RAD51C: variants seen among roughly 807,000 people sequenced by gnomAD.
RAD51C encodes the protein RAD51 paralog C.
RAD51C carries 42 observed loss-of-function variants against 45.0 expected under a neutral mutation model. The observed-to-expected ratio is 0.93, with a 90% CI of 0.73 to 1.21. The LOEUF (loss-of-function observed/expected upper bound fraction) is 1.21, where lower values mean the gene tolerates loss of function less well. RAD51C is among the 50% of genes most tolerant of loss of function. RAD51C has a pLI of 0.00. For synonymous variants in RAD51C, 172 were observed against 159.8 expected (o/e 1.08, Z -0.58); for missense variants, 474 against 452.2 (o/e 1.05, Z -0.44).
intron 7 of RAD51C, among the ~76,000 whole-genome samples, chr17:58,725,637 G>A (rs1197050150): frequency 3.3e-5 from 5 of 152,058 alleles, no homozygotes; most frequent in Admixed American, 6.6e-5. Context: ...AGAAAATCAC[G>A]CTTACCATGA....
intron 7 of RAD51C, among the ~76,000 whole-genome samples, chr17:58,728,710 T>C (rs1265115244): frequency 6.6e-6 from 1 of 152,148 alleles, no homozygotes; most frequent in African/African-American, 2.4e-5. Context: ...AAACTAAAAA[T>C]CTTGAATAGC....
intron 4 of RAD51C, among the ~76,000 whole-genome samples, chr17:58,704,291 T>C (rs2048308270): frequency 6.6e-6 from 1 of 151,960 alleles, no homozygotes; most frequent in South Asian, 2.1e-4. Context: ...ATTTTTTAAT[T>C]TGATGGAGTC....
chr17:58,695,780 A>C (rs1278854488), intron 2 of RAD51C, among the ~76,000 whole-genome samples: 1 of 151,208 alleles, frequency 6.6e-6, no homozygotes, highest in Non-Finnish European at 1.5e-5. Context: ...CTCAAAAAAA[A>C]AAGAGGCCGG....
chr17:58,719,999 A>C (rs2048860438), intron 5 of RAD51C, among the ~76,000 whole-genome samples: 1 of 151,144 alleles, frequency 6.6e-6, no homozygotes, highest in South Asian at 2.1e-4. Context: ...GATGGTCTCG[A>C]TCTCCTGACC....
At chr17:58,724,158 A>G (rs945331551) in intron 7 of RAD51C, 58 bp downstream of exon 7, 2 of 1,503,816 alleles carry the variant, frequency 1.3e-6, no homozygotes, top group Admixed American at 1.7e-5. Context: ...CTGAATGAAC[A>G]CTTACAGGTT....
intron 7 of RAD51C, among the ~76,000 whole-genome samples, chr17:58,726,580 A>G (rs998700436): frequency 2.4e-5 from 3 of 126,172 alleles, no homozygotes; most frequent in Admixed American, 2.4e-4. Context: ...ATATGTGTAT[A>G]CATATAGATG....
At chr17:58,708,151 T>A (rs1484219951) in intron 4 of RAD51C, among the ~76,000 whole-genome samples, 1 of 152,218 alleles carries the variant, frequency 6.6e-6, no homozygotes, top group Non-Finnish European at 1.5e-5. Flanking sequence ...AAGGTCATGT[T>A]CTGCCTTTTT....
rs1555605562 is a variant in RAD51C, at chr17:58,734,155, G to A, written c.1064G>A (p.Cys355Tyr). 4 of 1,613,554 alleles carry A rather than the reference G, an allele frequency of 2.5e-6. No homozygotes were observed. The highest frequency in any genetic ancestry group is 3.4e-6 in the Non-Finnish European group (4 of 1,179,800). ...GFRDTVVTSA[C>Y]SLQTEGSLST... ...AGAGATACTGTTGTTACTTCTGCAT[G>A]TTCATTGCAAACAGAAGGTTCCTTG... The change falls in exon 9 of 9, where the codon TGT (cysteine) becomes TAT (tyrosine). Residue 355 changes from cysteine to tyrosine, a missense_variant. Physicochemically the swap from Cys to Tyr is radical, Grantham distance 194. Transcript: ENST00000337432.
At chr17:58,715,842 C>T (rs920308219) in intron 5 of RAD51C, among the ~76,000 whole-genome samples, 1 of 152,108 alleles carries the variant, frequency 6.6e-6, no homozygotes, top group Admixed American at 6.6e-5. Context: ...TGGTGGCTCA[C>T]GCCTGTAATC....
rs748589580 is a variant in RAD51C at position 58,692,828 on chromosome 17, C to A, written c.145+40C>A. 1.2e-5 allele frequency: 19 copies of A among 1,613,680 alleles called. No homozygotes were observed. The highest frequency in any genetic ancestry group is 3.3e-5 in the Admixed American group (2 of 59,992). ...TGGCAAGCTGAGGCACACCGGCCGC[C>A]GTCAGCGCCGCCTCAGTCTTCGTTC... On this transcript the variant is annotated intron_variant, in intron 1 of 8. Coordinates refer to ENST00000337432, the MANE Select transcript of RAD51C (RefSeq NM_058216.3).
chr17:58,694,722 G>T, intron 1 of RAD51C: 1 of 559,946 alleles, frequency 1.8e-6, no homozygotes. Flanking sequence ...TGATCTGGCT[G>T]CCTCAGCCTC....
At chr17:58,726,262 A>C (rs1186525727) in intron 7 of RAD51C, among the ~76,000 whole-genome samples, 1 of 151,524 alleles carries the variant, frequency 6.6e-6, no homozygotes, top group Non-Finnish European at 1.5e-5. Flanking sequence ...ATTATTATTA[A>C]AAGAAAACCA....
At chr17:58,723,817 G>C (rs944179608) in intron 6 of RAD51C, among the ~76,000 whole-genome samples, 1 of 152,008 alleles carries the variant, frequency 6.6e-6, no homozygotes, top group Non-Finnish European at 1.5e-5. Context: ...AGACAATAAA[G>C]TTTTCTAAAA....
intron 5 of RAD51C, 137 bp downstream of exon 5, chr17:58,710,127 G>C: frequency 2.0e-6 from 2 of 1,024,812 alleles, no homozygotes; most frequent in South Asian, 2.9e-5. Context: ...CGTTTGGTTG[G>C]TTTCCATTAA....
At chr17:58,726,990 T>A (rs905633144) in intron 7 of RAD51C, among the ~76,000 whole-genome samples, 8 of 150,482 alleles carry the variant, frequency 5.3e-5, no homozygotes, top group Non-Finnish European at 1.0e-4. Context: ...CCAGCTAATT[T>A]TTTGTATTTT....
Position 58,695,015 on chromosome 17 carries a change from G to C in RAD51C, c.230G>C (p.Gly77Ala), listed in dbSNP as rs1449359018. 3 of 1,613,928 alleles carry C rather than the reference G, an allele frequency of 1.9e-6. No individual in the cohort carries two copies. The highest frequency in any genetic ancestry group is 2.2e-5 in the East Asian group (1 of 44,866). ...CTCACAAATAAACCAAGATATGCTG[G>C]TACATCTGAGTCACACAAGAAGTGT... ...ECLTNKPRYA[G>A]TSESHKKCTA... is the part of the protein sequence containing the mutation. The change falls in exon 2 of 9, where the codon GGT becomes GCT. Residue 77 changes from glycine (G) to alanine (A), a missense_variant. Transcript: ENST00000337432.
intron 6 of RAD51C, among the ~76,000 whole-genome samples, chr17:58,722,693 G>A (rs1374011715): frequency 1.3e-5 from 2 of 152,062 alleles, no homozygotes; most frequent in Non-Finnish European, 2.9e-5. Context: ...AAAAATCAAC[G>A]TAGACCACTT....
intron 5 of RAD51C, 65 bp from the exon 6 acceptor site, chr17:58,720,681 C>G: frequency 1.6e-6 from 2 of 1,268,622 alleles, no homozygotes; most frequent in Non-Finnish European, 2.3e-6. Context: ...CAATCTTGGC[C>G]AGACTGGTCT....
At chr17:58,713,259 A>G (rs1225611545) in intron 5 of RAD51C, among the ~76,000 whole-genome samples, 1 of 152,124 alleles carries the variant, frequency 6.6e-6, no homozygotes, top group Non-Finnish European at 1.5e-5. Context: ...TACACTACTT[A>G]TAAGTCTGCT....
Sources: gnomAD v4.1 joint callset for allele counts (sites outside exome capture counted in the v4.1 genomes callset) on GRCh38, gnomAD v4.1.1 for gene constraint, MANE v1.5 for transcripts, NCBI Gene and HGNC (gene_info 2026-07-23, HGNC 2026-07-21) for gene names.